RAB10: variants seen among roughly 807,000 people sequenced by gnomAD.
The protein encoded by RAB10 is RAB10, member RAS oncogene family.
Under a neutral mutation model 25.7 loss-of-function variants are expected in RAB10, and 5 were observed. The ratio of observed to expected loss-of-function variants is 0.19; its 90% CI spans 0.10 to 0.41. RAB10 has a LOEUF of 0.41. RAB10 is among the 10% of genes least tolerant of loss of function. The pLI is 1.00. For missense variants in RAB10, 103 were observed against 245.8 expected, an observed-to-expected ratio of 0.42 and a Z score of 3.89; for synonymous variants, 89 against 86.4, an observed-to-expected ratio of 1.03 and a Z score of -0.16.
intron 1 of RAB10, among the ~76,000 whole-genome samples, chr2:26,081,269 G>T (rs564243987): frequency 6.6e-6 from 1 of 152,248 alleles, no homozygotes; most frequent in South Asian, 2.1e-4. Flanking sequence ...TCTCAGCAGC[G>T]TGAAAATGGA....
intron 3 of RAB10, among the ~76,000 whole-genome samples, chr2:26,113,552 C>T (rs781209031): frequency 1.8e-4 from 26 of 141,594 alleles, no homozygotes; most frequent in Non-Finnish European, 3.2e-4. Context: ...CCAGCCTGGG[C>T]GACAGAGCAA....
At chr2:26,104,806 C>T (rs1455911486) in intron 2 of RAB10, among the ~76,000 whole-genome samples, 7 of 149,406 alleles carry the variant, frequency 4.7e-5, no homozygotes, top group South Asian at 2.1e-4. Context: ...GGCGCTATCT[C>T]GGCTCACTGC....
At chr2:26,097,368 G>A (rs143225747) in intron 1 of RAB10, among the ~76,000 whole-genome samples, 142 of 152,264 alleles carry the variant, frequency 9.3e-4, no homozygotes, top group African/African-American at 3.3e-3. Context: ...CCACCTCCCG[G>A]GTTCAAGTGA....
intron 1 of RAB10, among the ~76,000 whole-genome samples, chr2:26,061,781 GA>G (rs1486809602): frequency 8.3e-6 from 1 of 121,200 alleles, no homozygotes; most frequent in Admixed American, 1.1e-4. Context: ...TTTTGAGACA[GA>G]ATGTCACGCT....
At chr2:26,040,708 T>G (rs1026630068) in intron 1 of RAB10, among the ~76,000 whole-genome samples, 6 of 152,132 alleles carry the variant, frequency 3.9e-5, no homozygotes, top group Non-Finnish European at 5.9e-5. Flanking sequence ...GTAGTTATCT[T>G]GCAGGTGTTC....
At chr2:26,099,280 G>A (rs986620211) in intron 2 of RAB10, among the ~76,000 whole-genome samples, 23 of 152,040 alleles carry the variant, frequency 1.5e-4, no homozygotes, top group Non-Finnish European at 2.6e-4. Flanking sequence ...CTCCTTTTGA[G>A]AAAACAGCTT....
At chr2:26,107,847 C>CAA (rs796628445) in intron 2 of RAB10, among the ~76,000 whole-genome samples, 85 of 137,738 alleles carry the variant, frequency 6.2e-4, no homozygotes, top group African/African-American at 2.1e-3. Context: ...AGAAAATGGG[C>CAA]AAAAAAAAAA....
At chr2:26,055,876 C>T (rs1487480170) in intron 1 of RAB10, among the ~76,000 whole-genome samples, 1 of 151,410 alleles carries the variant, frequency 6.6e-6, no homozygotes, top group East Asian at 2.0e-4. Context: ...GTTGATGTAC[C>T]TCCAGAAAGA....
intron 1 of RAB10, among the ~76,000 whole-genome samples, chr2:26,042,034 G>T (rs558601836): frequency 6.6e-6 from 1 of 152,318 alleles, no homozygotes; most frequent in African/African-American, 2.4e-5. Flanking sequence ...ATGAGCTCAG[G>T]AATGCGTTAC....
At chr2:26,055,751 C>G (rs886373713) in intron 1 of RAB10, among the ~76,000 whole-genome samples, 5 of 151,980 alleles carry the variant, frequency 3.3e-5, no homozygotes, top group South Asian at 2.1e-4. Flanking sequence ...TCTCAAATTT[C>G]TGGCCTCAAG....
chr2:26,116,960 G>C (rs779177849), intron 3 of RAB10, among the ~76,000 whole-genome samples: 9 of 151,698 alleles, frequency 5.9e-5, no homozygotes, highest in Non-Finnish European at 1.0e-4. Flanking sequence ...ATGTGCCACT[G>C]TGCCACTCTT....
chr2:26,048,696 G>A (rs866087623), intron 1 of RAB10, among the ~76,000 whole-genome samples: 70 of 152,126 alleles, frequency 4.6e-4, no homozygotes, highest in African/African-American at 1.6e-3. Flanking sequence ...GCAACATGGC[G>A]AAACCCTATC....
intron 3 of RAB10, among the ~76,000 whole-genome samples, chr2:26,120,980 C>T (rs888858489): frequency 3.9e-5 from 6 of 151,908 alleles, no homozygotes; most frequent in African/African-American, 7.3e-5. Context: ...GGTATCATCT[C>T]AGCTCACTGC....
chr2:26,053,788 C>G (rs1329316258), intron 1 of RAB10, among the ~76,000 whole-genome samples: 1 of 152,022 alleles, frequency 6.6e-6, no homozygotes, highest in Admixed American at 6.6e-5. Context: ...GGCACAGTCT[C>G]GGCTCACTGC....
chr2:26,044,497 T>C (rs1360646507), intron 1 of RAB10, among the ~76,000 whole-genome samples: 2 of 152,018 alleles, frequency 1.3e-5, no homozygotes, highest in Non-Finnish European at 2.9e-5. Flanking sequence ...AAACTGAGAC[T>C]GGTGAGGTGA....
At chr2:26,036,310 G>A (rs1335692025) in intron 1 of RAB10, among the ~76,000 whole-genome samples, 1 of 152,202 alleles carries the variant, frequency 6.6e-6, no homozygotes, top group African/African-American at 2.4e-5. Flanking sequence ...CAGGGAGGAA[G>A]AGTGGCTAGT....
At chr2:26,075,977 TC>T (rs1415507843) in intron 1 of RAB10, among the ~76,000 whole-genome samples, 1 of 151,942 alleles carries the variant, frequency 6.6e-6, no homozygotes, top group Non-Finnish European at 1.5e-5. Context: ...GGGAGGTGTA[TC>T]AATAAGGGCA....
At chr2:26,076,629 A>C (rs1666741605) in intron 1 of RAB10, among the ~76,000 whole-genome samples, 1 of 152,144 alleles carries the variant, frequency 6.6e-6, no homozygotes, top group Non-Finnish European at 1.5e-5. Context: ...TACACAAAAA[A>C]GTTTCTCCTA....
At chr2:26,054,362 G>A (rs1390370430) in intron 1 of RAB10, among the ~76,000 whole-genome samples, 7 of 152,120 alleles carry the variant, frequency 4.6e-5, no homozygotes, top group South Asian at 2.1e-4. Context: ...CCTAATGTTT[G>A]TATTTTTAGT....
Sources: gnomAD v4.1 joint callset for allele counts (sites outside exome capture counted in the v4.1 genomes callset) on GRCh38, gnomAD v4.1.1 for gene constraint, MANE v1.5 for transcripts, NCBI Gene and HGNC (gene_info 2026-07-23, HGNC 2026-07-21) for gene names.